Variants in CFAP73 observed in about 807,000 individuals in gnomAD.
CFAP73 encodes the protein cilia and flagella associated protein 73, also known as cilia- and flagella-associated protein 73.
In CFAP73, 33 loss-of-function variants were observed where a neutral mutation model predicts 42.9. The ratio of observed to expected loss-of-function variants is 0.77; its 90% confidence interval spans 0.58 to 1.03. The LOEUF (loss-of-function observed/expected upper bound fraction) is 1.03, where lower values mean the gene tolerates loss of function less well. Ranked by LOEUF, CFAP73 falls within the 50% of genes least tolerant of loss-of-function variation. The probability of loss-of-function intolerance (pLI) is 0.00; values close to 1 mark genes in which losing one functional copy is unlikely to be tolerated. For missense variants in CFAP73, 392 were observed against 411.9 expected, an observed-to-expected ratio of 0.95 and a Z score of 0.42; for synonymous variants, 162 against 186.8, an observed-to-expected ratio of 0.87 and a Z score of 1.08.
intron 1 of CFAP73, 43 bp downstream of exon 1, chr12:113,149,956 G>T: frequency 6.5e-7 from 1 of 1,531,370 alleles, no homozygotes; most frequent in Non-Finnish European, 8.9e-7. Flanking sequence ...AGGAGGGCGG[G>T]AATGCGTGGG....
chr12:113,157,804 G>A (rs1033816348), intron 7 of CFAP73, 114 bp downstream of exon 7: 1 of 801,452 alleles, frequency 1.2e-6, no homozygotes, highest in Admixed American at 2.1e-5. Flanking sequence ...TGGGAAGATG[G>A]GAGGGCTGTG....
Position 113,153,335 on chromosome 12 carries a change from G to A in CFAP73, c.395G>A (p.Arg132Gln). 4 of 1,514,330 alleles carry A rather than the reference G, an allele frequency of 2.6e-6. No homozygotes were observed. Among genetic ancestry groups the A allele is most frequent in the Non-Finnish European group, 2.6e-6 (3 of 1,136,422 alleles). The allele number at this position is 1,514,330 out of a possible 1,614,324, so 93.8% of individuals were successfully genotyped here. Residue 132 changes from arginine to glutamine, a missense_variant, in exon 4 of 8, where the codon CGG becomes CAG. Transcript: ENST00000335621. ...CAGGAGCTACGGCGGGAACACGCGC[G>A]GCTGCAGCGCCGGCTTAAGCGCCTG... ...QLQELRREHA[R>Q]LQRRLKRLEP...
Position 113,153,376 on chromosome 12 carries a change from C to T in CFAP73, c.436C>T (p.Leu146=). 1.4e-6 allele frequency: 2 copies of T among 1,471,482 alleles called. No homozygotes were observed. The highest frequency in any genetic ancestry group is 8.9e-7 in the Non-Finnish European group (1 of 1,118,138). The allele number at this position is 1,471,482 out of a possible 1,614,324, so 91.2% of individuals were successfully genotyped here. ...RLKRLEPCAR[L]LEQALELLPG... is the part of the protein sequence containing the mutation. ...TAAGCGCCTGGAGCCCTGCGCGCGC[C>T]TGCTGGAGCAAGCGCTGGAGCTGCT... The change falls in exon 4 of 8, where the codon CTG becomes TTG. Residue 146 remains leucine, a synonymous_variant. Coordinates refer to ENST00000335621, the MANE Select transcript of CFAP73 (RefSeq NM_001144872.3).
chr12:113,154,410 C>G lies in CFAP73; in HGVS notation c.469-4C>G. ...GTGAGTCCCTTCCCCGCCCCCGACT[C>G]TAGTTCCAAGAGGTTCCGGAGCTGG... On this transcript the variant is annotated splice_region_variant and splice_polypyrimidine_tract_variant and intron_variant, in intron 4 of 7. Transcript: ENST00000335621. This position sits in a 1 kb window ranked among gnomAD's most constrained non-coding sequence, Gnocchi z 4.7. The G allele has an allele frequency of 1.3e-6, 2 of 1,548,612 alleles. No individual in the cohort carries two copies. Among genetic ancestry groups the G allele is most frequent in the Non-Finnish European group, 1.7e-6 (2 of 1,146,138 alleles).
In CFAP73 at chr12:113,151,933, G is replaced by A. The variant is rs2136304960; in HGVS notation, c.72G>A (p.Gln24=). 1.3e-6 allele frequency: 2 copies of A among 1,551,526 alleles called. No homozygotes were observed. Among genetic ancestry groups the A allele is most frequent in the Middle Eastern group, 1.7e-4 (1 of 5,960 alleles). ...QEKLSTKLPE[Q]AEDHVPPVLR... ...GCCTCTTCAGAAAGCTGCCAGAGCAGGCTGAGGATCATGTCCCACCAGTAC... is the reference window on the plus strand; with the variant it reads ...GCCTCTTCAGAAAGCTGCCAGAGCAAGCTGAGGATCATGTCCCACCAGTAC... Residue 24 remains glutamine, a synonymous_variant, in exon 2 of 8, where the codon CAG becomes CAA. Transcript: ENST00000335621.
chr12:113,157,723 C>A (rs541007541), intron 7 of CFAP73, 33 bp downstream of exon 7: 19 of 1,472,838 alleles, frequency 1.3e-5, no homozygotes, highest in Non-Finnish European at 1.8e-5. Flanking sequence ...CCTGAGAGAC[C>A]CTGAGATAGG....
In CFAP73 at chr12:113,155,276, A is replaced by G; in HGVS notation, c.707A>G (p.Gln236Arg). 1 of 1,535,970 alleles carries G rather than the reference A, an allele frequency of 6.5e-7. No homozygotes were observed. The highest frequency in any genetic ancestry group is 8.8e-7 in the Non-Finnish European group (1 of 1,134,456). Residue 236 changes from glutamine (Q) to arginine (R), a missense_variant, in exon 6 of 8, where the codon CAG (glutamine) becomes CGG (arginine). By Grantham distance (43) the Gln-to-Arg change is conservative (BLOSUM62 1). Coordinates refer to ENST00000335621, the MANE Select transcript of CFAP73 (RefSeq NM_001144872.3). ...RTLQWESKWI[Q>R]IQNTAAEKTL... ...GTTCTCCAGGAATCCAAGTGGATTC[A>G]GATTCAGAACACAGCAGCGGAGAAG...
chr12:113,151,878 A>T (rs1014896534), intron 1 of CFAP73, 40 bp from the exon 2 acceptor site: 2 of 1,423,564 alleles, frequency 1.4e-6, no homozygotes, highest in African/African-American at 1.4e-5. Flanking sequence ...GCCCTGAAAC[A>T]TGCTTCCTTC....
At chr12:113,155,175 G>GAAAAA in intron 5 of CFAP73, 85 bp from the exon 6 acceptor site, 3 of 1,069,126 alleles carry the variant, frequency 2.8e-6, no homozygotes, top group Non-Finnish European at 2.5e-6. Flanking sequence ...ATCTCAAAAA[G>GAAAAA]AAAAAAAAAA....
At chr12:113,156,122 G>A (rs898641025) in intron 6 of CFAP73, among the ~76,000 whole-genome samples, 3 of 151,916 alleles carry the variant, frequency 2.0e-5, no homozygotes, top group Non-Finnish European at 4.4e-5. Flanking sequence ...GTTTCACCAG[G>A]TTGGCCAGGC....
intron 6 of CFAP73, chr12:113,157,195 G>T: frequency 5.8e-6 from 1 of 173,856 alleles, no homozygotes; most frequent in Non-Finnish European, 1.2e-5. Flanking sequence ...TGGATCCATG[G>T]TATTTATTAA....
intron 1 of CFAP73, among the ~76,000 whole-genome samples, chr12:113,150,342 G>A (rs1952050926): frequency 6.6e-6 from 1 of 152,096 alleles, no homozygotes; most frequent in African/African-American, 2.4e-5. Flanking sequence ...CCACGGCTGG[G>A]AAAGCCTTGC....
chr12:113,152,464 G>C (rs138203829), intron 2 of CFAP73, among the ~76,000 whole-genome samples: 2 of 152,356 alleles, frequency 1.3e-5, no homozygotes, highest in Non-Finnish European at 1.5e-5. Context: ...GATGAGGAAG[G>C]AAAAACAGGC....
intron 6 of CFAP73, 68 bp from the exon 7 acceptor site, chr12:113,157,534 G>A (rs1388609142): frequency 6.0e-6 from 8 of 1,334,626 alleles, no homozygotes; most frequent in Middle Eastern, 1.8e-4. Context: ...CCTCCCCCGC[G>A]TGTTGAGGGG....
chr12:113,156,395 G>A (rs934201621), intron 6 of CFAP73, among the ~76,000 whole-genome samples: 11 of 151,576 alleles, frequency 7.3e-5, no homozygotes, highest in Non-Finnish European at 1.5e-4. Flanking sequence ...GTTTTTATTC[G>A]GCCGGGAGCT....
intron 3 of CFAP73, 155 bp from the exon 4 acceptor site, chr12:113,153,053 A>G (rs2136305651): frequency 2.3e-6 from 2 of 878,748 alleles, no homozygotes; most frequent in Non-Finnish European, 3.3e-6. Flanking sequence ...AAAAAAAAAA[A>G]GCGGGCGGGG....
At position 113,149,800 on chromosome 12, in the gene CFAP73, C is replaced by T. The variant is rs1292979483; in HGVS notation, c.-58C>T. 4 of 1,532,596 alleles carry T rather than the reference C, an allele frequency of 2.6e-6. No homozygotes were observed. The Admixed American group carries it at 7.9e-5, about 30-fold the overall frequency. The allele number at this position is 1,532,596 out of a possible 1,614,324, so 94.9% of individuals were successfully genotyped here. A position where few individuals can be genotyped will look rare whatever the true frequency, so the allele number is the denominator to read the frequency against. On this transcript the variant is annotated 5_prime_UTR_variant, in exon 1 of 8. Coordinates refer to ENST00000335621, the MANE Select transcript of CFAP73 (RefSeq NM_001144872.3). ...ACGCTCCACAGAACCCCCAGGGTCT[C>T]CTAAGCTTGTGCAAAACTCCAGCTG...
At chr12:113,153,460 T>G in intron 4 of CFAP73, 52 bp downstream of exon 4, 2 of 1,345,148 alleles carry the variant, frequency 1.5e-6, no homozygotes, top group Non-Finnish European at 1.9e-6. Flanking sequence ...TGGCGCTGAG[T>G]GGCTCAGGGA....
chr12:113,150,063 T>A (rs1316854731), intron 1 of CFAP73, 150 bp downstream of exon 1: 5 of 739,656 alleles, frequency 6.8e-6, no homozygotes, highest in Non-Finnish European at 1.1e-5. Flanking sequence ...AAACTGAGGA[T>A]CAGAGAGAAA....
Sources: gnomAD v4.1 joint callset for allele counts (sites outside exome capture counted in the v4.1 genomes callset) on GRCh38, gnomAD v4.1.1 for gene constraint, Gnocchi (gnomAD v3.1) non-coding constraint, MANE v1.5 for transcripts, NCBI Gene and HGNC (gene_info 2026-07-23, HGNC 2026-07-21) for gene names.